Variants in MIPOL1 observed in about 807,000 individuals in gnomAD.
MIPOL1 encodes the protein mirror-image polydactyly 1.
Under a neutral mutation model 60.9 loss-of-function variants are expected in MIPOL1, and 57 were observed. The observed-to-expected ratio is 0.94, with a 90% CI of 0.76 to 1.17. The LOEUF (loss-of-function observed/expected upper bound fraction) is 1.17. Ranked by LOEUF, MIPOL1 falls within the 50% of genes most tolerant of loss-of-function variation. The pLI, the probability that MIPOL1 is intolerant of heterozygous loss-of-function variation, is 0.00. For synonymous variants in MIPOL1, 179 were observed against 168.8 expected (o/e 1.06, Z -0.47); for missense variants, 551 against 511.6 (o/e 1.08, Z -0.74).
At chr14:37,339,229 T>A (rs1319078044) in intron 9 of MIPOL1, among the ~76,000 whole-genome samples, 1 of 152,166 alleles carries the variant, frequency 6.6e-6, no homozygotes, top group Admixed American at 6.5e-5. Context: ...TCAATTGTGA[T>A]CAGGAAAACA....
At chr14:37,459,989 G>T (rs2094521467) in intron 11 of MIPOL1, among the ~76,000 whole-genome samples, 1 of 152,108 alleles carries the variant, frequency 6.6e-6, no homozygotes, top group Non-Finnish European at 1.5e-5. Context: ...TGAGGCAAGA[G>T]AATTGCTTGA....
At chr14:37,374,698 A>T (rs1455215012) in intron 10 of MIPOL1, among the ~76,000 whole-genome samples, 1 of 151,970 alleles carries the variant, frequency 6.6e-6, no homozygotes, top group Non-Finnish European at 1.5e-5. Flanking sequence ...ATGGTTGTAG[A>T]TGTGTAGTGT....
intron 10 of MIPOL1, among the ~76,000 whole-genome samples, chr14:37,390,895 A>T (rs2093218713): frequency 6.6e-6 from 1 of 152,022 alleles, no homozygotes; most frequent in South Asian, 2.1e-4. Flanking sequence ...CCAAAAACTG[A>T]TGGAAATTTC....
intron 10 of MIPOL1, among the ~76,000 whole-genome samples, chr14:37,418,750 T>C (rs905033925): frequency 1.3e-5 from 2 of 152,078 alleles, no homozygotes; most frequent in Admixed American, 6.6e-5. Flanking sequence ...GTTATGAGAA[T>C]AGAATATAGT....
chr14:37,338,428 A>T (rs1449830207), intron 9 of MIPOL1, among the ~76,000 whole-genome samples: 5 of 147,946 alleles, frequency 3.4e-5, no homozygotes, highest in Admixed American at 1.4e-4. Flanking sequence ...TTTTTTTTTG[A>T]GACAGAATCT....
At chr14:37,347,942 C>T (rs2153469180) in intron 9 of MIPOL1, among the ~76,000 whole-genome samples, 2 of 152,204 alleles carry the variant, frequency 1.3e-5, no homozygotes, top group Middle Eastern at 6.8e-3. Context: ...TCATGGGGTA[C>T]ATGTGCAGGT....
intron 10 of MIPOL1, among the ~76,000 whole-genome samples, chr14:37,419,697 G>A (rs959283996): frequency 2.6e-5 from 4 of 151,872 alleles, no homozygotes; most frequent in African/African-American, 9.7e-5. Context: ...AAGGAAGAAA[G>A]GGATGTGACT....
intron 1 of MIPOL1, among the ~76,000 whole-genome samples, chr14:37,237,015 T>C (rs963210773): frequency 4.6e-5 from 7 of 152,146 alleles, no homozygotes; most frequent in African/African-American, 1.4e-4. Context: ...CCTGGTATAC[T>C]TGGCTGCTTG....
intron 12 of MIPOL1, among the ~76,000 whole-genome samples, chr14:37,521,291 A>T (rs2153631040): frequency 6.6e-6 from 1 of 152,274 alleles, no homozygotes; most frequent in East Asian, 1.9e-4. Context: ...ATATTTTCAC[A>T]AATAGCACAT....
chr14:37,422,822 T>C (rs761097875), intron 10 of MIPOL1, 33 bp from the exon 11 acceptor site: 2 of 1,397,446 alleles, frequency 1.4e-6, no homozygotes, highest in Non-Finnish European at 2.0e-6. Context: ...CCAAAATGAA[T>C]ACTGAATTTC....
chr14:37,476,776 C>T (rs567066209), intron 11 of MIPOL1, among the ~76,000 whole-genome samples: 5 of 151,672 alleles, frequency 3.3e-5, no homozygotes, highest in Non-Finnish European at 5.9e-5. Context: ...TGGAATAAGT[C>T]TCACTTGGTC....
At chr14:37,435,614 C>T (rs976706263) in intron 11 of MIPOL1, among the ~76,000 whole-genome samples, 4 of 151,772 alleles carry the variant, frequency 2.6e-5, no homozygotes, top group African/African-American at 9.7e-5. Flanking sequence ...ATTAAATATA[C>T]GTGTATGCTT....
At chr14:37,215,403 G>A (rs139829976) in intron 1 of MIPOL1, among the ~76,000 whole-genome samples, 4 of 151,258 alleles carry the variant, frequency 2.6e-5, no homozygotes, top group South Asian at 4.2e-4. Flanking sequence ...TTTTGTCTCC[G>A]CACACGGGGA....
At chr14:37,412,348 G>A (rs750272746) in intron 10 of MIPOL1, among the ~76,000 whole-genome samples, 2 of 151,974 alleles carry the variant, frequency 1.3e-5, no homozygotes, top group Non-Finnish European at 2.9e-5. Flanking sequence ...GTGGTGTAAG[G>A]TAGGTTGAGA....
chr14:37,357,729 T>G (rs2091941928), intron 9 of MIPOL1, among the ~76,000 whole-genome samples: 1 of 152,074 alleles, frequency 6.6e-6, no homozygotes, highest in Non-Finnish European at 1.5e-5. Flanking sequence ...TCTTTATTGA[T>G]TGTTTCCTTT....
At chr14:37,455,593 C>T (rs2094468095) in intron 11 of MIPOL1, among the ~76,000 whole-genome samples, 1 of 151,904 alleles carries the variant, frequency 6.6e-6, no homozygotes, top group Middle Eastern at 3.2e-3. Context: ...CTGCCTCATG[C>T]TTTTTTTCAG....
At position 37,356,729 on chromosome 14, in the gene MIPOL1, G is replaced by A. The variant is rs372949058; in HGVS notation, c.829-12788G>A. ...GAAAGGGAACTCCCTGACCCCTTGCGCTTCCCGAGTGAGGCAATGCCTCGC... is the reference window on the plus strand; with the variant it reads ...GAAAGGGAACTCCCTGACCCCTTGCACTTCCCGAGTGAGGCAATGCCTCGC... On this transcript the variant is annotated intron_variant, in intron 9 of 12. Coordinates refer to ENST00000684589, the MANE Select transcript of MIPOL1 (RefSeq NM_001388067.1). Among the ~76,000 whole-genome samples the A allele has an allele frequency of 6.7e-4, 102 of 152,264 alleles. 1 individual carries two copies. In the East Asian group the frequency reaches 0.014, roughly 22 times the overall value.
At position 37,298,277 on chromosome 14, in the gene MIPOL1, T is replaced by G. The variant is rs572196301; in HGVS notation, c.624-9779T>G. Among the ~76,000 whole-genome samples, 51 of 152,306 alleles carry G rather than the reference T, an allele frequency of 3.3e-4. No individual in the cohort carries two copies. In the East Asian group the frequency reaches 8.1e-3, roughly 24 times the overall value. ...GGAAAGCTGAAACTGGATCCCTTCC[T>G]TACACCTTATACAAAAATTAATTCA... On this transcript the variant is annotated intron_variant, in intron 7 of 12. Coordinates refer to ENST00000684589, the MANE Select transcript of MIPOL1 (RefSeq NM_001388067.1).
intron 11 of MIPOL1, among the ~76,000 whole-genome samples, chr14:37,459,617 T>C (rs927032224): frequency 6.6e-6 from 1 of 152,154 alleles, no homozygotes; most frequent in Admixed American, 6.6e-5. Context: ...CCAATCTTCT[T>C]GAAACTGTTC....
Sources: allele counts gnomAD v4.1 joint callset (sites outside exome capture counted in the v4.1 genomes callset), GRCh38; gene constraint gnomAD v4.1.1; transcripts MANE v1.5; gene names NCBI Gene and HGNC (gene_info 2026-07-23, HGNC 2026-07-21).